Variants in ATRN observed in about 807,000 individuals in gnomAD.
ATRN encodes the protein attractin-2.
In ATRN, 54 loss-of-function variants were observed where a neutral mutation model predicts 178.7. The ratio of observed to expected loss-of-function variants is 0.30; its 90% CI spans 0.24 to 0.38. The LOEUF (loss-of-function observed/expected upper bound fraction) is 0.38. Among genes scored for constraint, ATRN ranks in the 10% least tolerant of loss-of-function variants. ATRN has a pLI of 1.00. For synonymous variants in ATRN, 636 were observed against 663.0 expected, an observed-to-expected ratio of 0.96 and a Z score of 0.63; for missense variants, 1,443 against 1,815.1, an observed-to-expected ratio of 0.79 and a Z score of 3.73.
intron 11 of ATRN, among the ~76,000 whole-genome samples, chr20:3,571,741 C>T (rs1338436191): frequency 1.3e-5 from 2 of 152,158 alleles, no homozygotes; most frequent in African/African-American, 4.8e-5. Flanking sequence ...TTTCCTATAA[C>T]ATAACTTGTA....
At chr20:3,625,037 C>CT (rs1431607594) in intron 25 of ATRN, among the ~76,000 whole-genome samples, 1 of 151,944 alleles carries the variant, frequency 6.6e-6, no homozygotes, top group East Asian at 1.9e-4. Flanking sequence ...TTTTCGTAGT[C>CT]TAATTTTATC....
At position 3,593,304 on chromosome 20, in the gene ATRN, A is replaced by G. The variant is rs374998591; in HGVS notation, c.3323-1175A>G. 1.4e-4 allele frequency among the ~76,000 whole-genome samples: 22 copies of G among 152,284 alleles called. No homozygotes were observed. The East Asian group carries it at 2.5e-3, about 17-fold the overall frequency. ...GCGTGGTGTTTATAGAATACTGCAG[A>G]TGGCACCAAGTCTTTGATGTTTTCT... is the stretch of plus-strand genomic sequence containing the variant. On this transcript the variant is annotated intron_variant, in intron 19 of 28. Coordinates refer to ENST00000262919, the MANE Select transcript of ATRN (RefSeq NM_139321.3).
intron 1 of ATRN, among the ~76,000 whole-genome samples, chr20:3,474,772 G>A (rs1168729115): frequency 2.0e-5 from 3 of 147,734 alleles, no homozygotes; most frequent in South Asian, 4.4e-4. Context: ...GGTGACTCAC[G>A]CCTGTAATCC....
At chr20:3,510,338 TCA>T (rs1306412770) in intron 1 of ATRN, among the ~76,000 whole-genome samples, 1 of 152,216 alleles carries the variant, frequency 6.6e-6, no homozygotes, top group Non-Finnish European at 1.5e-5. Flanking sequence ...TAGATCTCTG[TCA>T]CATCTAATCA....
rs151458 is a variant in ATRN at position 3,556,474 on chromosome 20, C to T, written c.1113-2919C>T. Among the ~76,000 whole-genome samples the T allele has an allele frequency of 3.7e-3, 570 of 152,234 alleles. 2 individuals carry two copies. Among genetic ancestry groups the T allele is most frequent in the Middle Eastern group, 0.014 (4 of 294 alleles). The stretch of plus-strand genomic sequence containing the variant: ...CCTTTGCCTTGGTCTTTAGGTGGCC[C>T]GATTGGGTTACCAGGCCATTATGGA... On this transcript the variant is annotated intron_variant, in intron 6 of 28. Transcript: ENST00000262919.
intron 11 of ATRN, among the ~76,000 whole-genome samples, chr20:3,569,652 A>T (rs948081892): frequency 1.3e-5 from 2 of 152,256 alleles, no homozygotes; most frequent in Admixed American, 1.3e-4. Flanking sequence ...ACCATTGTAC[A>T]TGCCATCCAT....
At chr20:3,579,748 G>C (rs2086258521) in intron 15 of ATRN, among the ~76,000 whole-genome samples, 1 of 152,152 alleles carries the variant, frequency 6.6e-6, no homozygotes, top group Non-Finnish European at 1.5e-5. Flanking sequence ...TCTTTCAGCA[G>C]TTTCAGCTGT....
At chr20:3,562,197 G>A in intron 8 of ATRN, 79 bp from the exon 9 acceptor site, 2 of 1,232,510 alleles carry the variant, frequency 1.6e-6, no homozygotes, top group East Asian at 2.3e-5. Flanking sequence ...CCATTCTCAT[G>A]CCCTAAGCTC....
intron 3 of ATRN, among the ~76,000 whole-genome samples, chr20:3,544,426 G>A (rs948946910): frequency 6.6e-6 from 1 of 152,158 alleles, no homozygotes; most frequent in African/African-American, 2.4e-5. Flanking sequence ...AGGTCAGAGT[G>A]AATGAGCATG....
intron 16 of ATRN, among the ~76,000 whole-genome samples, chr20:3,582,628 C>T (rs1035965435): frequency 2.6e-5 from 4 of 151,980 alleles, no homozygotes; most frequent in African/African-American, 9.7e-5. Flanking sequence ...GTTTATTGAC[C>T]AGAAAAAGTA....
chr20:3,646,977 A>T lies in ATRN; in HGVS notation c.*130A>T. 1 of 1,202,324 alleles carries T rather than the reference A, an allele frequency of 8.3e-7. No homozygotes were observed. Among genetic ancestry groups the T allele is most frequent in the South Asian group, 1.8e-5 (1 of 57,142 alleles). The allele number at this position is 1,202,324 out of a possible 1,614,324, so 74.5% of individuals were successfully genotyped here. On this transcript the variant is annotated 3_prime_UTR_variant, in exon 29 of 29. Coordinates refer to ENST00000262919, the MANE Select transcript of ATRN (RefSeq NM_139321.3). Reference sequence around the variant, plus strand: ...AGACTGGAAACCCTCAAAGCATCTGACTCACCTGCATGATCACAAGCTTTC... The same window carrying T: ...AGACTGGAAACCCTCAAAGCATCTGTCTCACCTGCATGATCACAAGCTTTC...
At chr20:3,488,541 A>G (rs1488187149) in intron 1 of ATRN, among the ~76,000 whole-genome samples, 3 of 152,140 alleles carry the variant, frequency 2.0e-5, no homozygotes, top group Non-Finnish European at 4.4e-5. Flanking sequence ...GTTTATGTAT[A>G]TATGATCTGT....
chr20:3,635,319 T>G (rs112723757), intron 26 of ATRN, among the ~76,000 whole-genome samples: 94 of 151,546 alleles, frequency 6.2e-4, no homozygotes, highest in African/African-American at 2.2e-3. Context: ...AAGAACTTAT[T>G]CATGTAACCA....
intron 24 of ATRN, among the ~76,000 whole-genome samples, chr20:3,619,699 T>A (rs2086881757): frequency 6.6e-6 from 1 of 152,198 alleles, no homozygotes; most frequent in African/African-American, 2.4e-5. Flanking sequence ...CATACTTAAT[T>A]AGAAATTCAT....
Position 3,490,204 on chromosome 20 carries a change from C to T in ATRN, c.410+18687C>T, listed in dbSNP as rs1022082982. ...TGCTCTTCTACGGTCCGCCACATTTCAAGCCTAAAGCTAAGAGAGCAGATT... is the reference window on the plus strand; with the variant it reads ...TGCTCTTCTACGGTCCGCCACATTTTAAGCCTAAAGCTAAGAGAGCAGATT... On this transcript the variant is annotated intron_variant, in intron 1 of 28. Coordinates refer to ENST00000262919, the MANE Select transcript of ATRN (RefSeq NM_139321.3). The T allele has an allele frequency of 2.6e-6, 4 of 1,523,922 alleles. No individual in the cohort carries two copies. In the Admixed American group the frequency reaches 6.7e-5, roughly 25 times the overall value. The allele number at this position is 1,523,922 out of a possible 1,614,324, so 94.4% of individuals were successfully genotyped here.
At chr20:3,554,613 C>T (rs1042245310) in intron 6 of ATRN, among the ~76,000 whole-genome samples, 7 of 152,024 alleles carry the variant, frequency 4.6e-5, no homozygotes, top group Non-Finnish European at 7.4e-5. Flanking sequence ...GGATTACAGT[C>T]GTGAGCCACT....
At chr20:3,620,367 C>G (rs760370450) in intron 24 of ATRN, among the ~76,000 whole-genome samples, 2 of 152,144 alleles carry the variant, frequency 1.3e-5, no homozygotes, top group Non-Finnish European at 2.9e-5. Flanking sequence ...GTGCCTCAGC[C>G]CCCCAAGTAG....
intron 1 of ATRN, among the ~76,000 whole-genome samples, chr20:3,487,176 T>A (rs1161015750): frequency 6.6e-6 from 1 of 152,172 alleles, no homozygotes; most frequent in Non-Finnish European, 1.5e-5. Context: ...ACTGGCTGCT[T>A]ATTTTCATAG....
chr20:3,496,604 T>C (rs528849604), intron 1 of ATRN, among the ~76,000 whole-genome samples: 17 of 152,280 alleles, frequency 1.1e-4, no homozygotes, highest in African/African-American at 4.1e-4. Flanking sequence ...AGGTGTGGTG[T>C]GGTGCTGGAA....
Sources: gnomAD v4.1 joint callset for allele counts (sites outside exome capture counted in the v4.1 genomes callset) on GRCh38, gnomAD v4.1.1 for gene constraint, MANE v1.5 for transcripts, NCBI Gene and HGNC (gene_info 2026-07-23, HGNC 2026-07-21) for gene names.